The following TGM7 variants were observed in gnomAD, a reference collection of about 807,000 sequenced individuals.
The protein encoded by TGM7 is protein-glutamine gamma-glutamyltransferase Z.
In TGM7, 74 loss-of-function variants were observed where a neutral mutation model predicts 79.5. The observed-to-expected ratio is 0.93, with a 90% CI of 0.77 to 1.13. The LOEUF (loss-of-function observed/expected upper bound fraction) is 1.13, where lower values mean the gene tolerates loss of function less well. Ranked by LOEUF, TGM7 falls within the 50% of genes most tolerant of loss-of-function variation. The probability of loss-of-function intolerance (pLI) is 0.00; values close to 1 mark genes in which losing one functional copy is unlikely to be tolerated. For missense variants in TGM7, 912 were observed against 905.9 expected (o/e 1.01, Z -0.09); for synonymous variants, 354 against 362.5 (o/e 0.98, Z 0.27).
intron 11 of TGM7, among the ~76,000 whole-genome samples, chr15:43,278,138 G>T (rs2042887428): frequency 6.6e-6 from 1 of 152,236 alleles, no homozygotes; most frequent in African/African-American, 2.4e-5. Flanking sequence ...CTGATTTATG[G>T]TCTGGAGCTG....
chr15:43,292,653 TC>T, intron 3 of TGM7, 55 bp downstream of exon 3: 1 of 1,596,780 alleles, frequency 6.3e-7, no homozygotes, highest in Non-Finnish European at 8.6e-7. Context: ...CCAAAGAACC[TC>T]ACAGGGCCTT....
intron 1 of TGM7, among the ~76,000 whole-genome samples, chr15:43,298,325 C>G (rs554404021): frequency 6.6e-6 from 1 of 152,286 alleles, no homozygotes; most frequent in Non-Finnish European, 1.5e-5. Flanking sequence ...GTGAGGGCAG[C>G]AGGGCCAGGA....
At chr15:43,278,896 CTA>C (rs1232600418) in intron 11 of TGM7, among the ~76,000 whole-genome samples, 37 of 152,256 alleles carry the variant, frequency 2.4e-4, no homozygotes, top group Admixed American at 8.5e-4. Flanking sequence ...TCTAATTTCT[CTA>C]TAGTTTCCTA....
chr15:43,299,276 C>A (rs570238473), intron 1 of TGM7, among the ~76,000 whole-genome samples: 2 of 152,130 alleles, frequency 1.3e-5, no homozygotes, highest in African/African-American at 4.8e-5. Context: ...TGGCATTTAG[C>A]CTAGACCAGA....
At chr15:43,277,021 C>T (rs761227990) in intron 11 of TGM7, 26 bp from the exon 12 acceptor site, 21 of 1,611,826 alleles carry the variant, frequency 1.3e-5, no homozygotes, top group South Asian at 1.1e-5. Context: ...TCAGCAATCC[C>T]ATGGGCAACT....
At chr15:43,301,074 C>G (rs911464176) in intron 1 of TGM7, among the ~76,000 whole-genome samples, 74 of 152,146 alleles carry the variant, frequency 4.9e-4, no homozygotes, top group African/African-American at 1.7e-3. Context: ...TTTGACCCCC[C>G]CAGGCTCATG....
chr15:43,292,153 T>A, intron 3 of TGM7, 56 bp from the exon 4 acceptor site: 1 of 1,256,230 alleles, frequency 8.0e-7, no homozygotes, highest in South Asian at 1.2e-5. Context: ...AAACAGAGTA[T>A]TAAATTAAAA....
At chr15:43,284,702 G>C in intron 7 of TGM7, 112 bp downstream of exon 7, 1 of 1,290,362 alleles carries the variant, frequency 7.7e-7, no homozygotes, top group East Asian at 2.3e-5. Flanking sequence ...AGCATTAGCA[G>C]CAATGCTCAG....
chr15:43,281,426 C>T (rs1274220293), intron 9 of TGM7, among the ~76,000 whole-genome samples: 10 of 152,244 alleles, frequency 6.6e-5, no homozygotes, highest in Admixed American at 5.9e-4. Context: ...AAATACAGGA[C>T]ATCCAACCAC....
At chr15:43,279,586 C>A (rs773589194) in intron 10 of TGM7, 39 bp downstream of exon 10, 7 of 1,531,642 alleles carry the variant, frequency 4.6e-6, no homozygotes, top group Non-Finnish European at 6.1e-6. Context: ...CACAGCTCCC[C>A]TCCCTGTAGG....
intron 9 of TGM7, among the ~76,000 whole-genome samples, chr15:43,281,526 C>T (rs2412777): frequency 0.056 from 8,511 of 152,304 alleles, 352 homozygotes; most frequent in Middle Eastern, 0.092. Flanking sequence ...AAATCATACC[C>T]AGTGTGAATT....
intron 6 of TGM7, among the ~76,000 whole-genome samples, chr15:43,286,814 G>A (rs1338616336): frequency 6.6e-6 from 1 of 152,196 alleles, no homozygotes; most frequent in Non-Finnish European, 1.5e-5. Flanking sequence ...TTCTTTAAGG[G>A]TAGTCAGCAA....
intron 6 of TGM7, among the ~76,000 whole-genome samples, 154 bp downstream of exon 6, chr15:43,287,126 C>T (rs1566844666): frequency 6.6e-6 from 1 of 152,204 alleles, no homozygotes; most frequent in Non-Finnish European, 1.5e-5. Flanking sequence ...TGCACAGGAT[C>T]CCTCGAGACT....
intron 1 of TGM7, among the ~76,000 whole-genome samples, chr15:43,295,812 G>A (rs1410772830): frequency 6.6e-6 from 1 of 152,230 alleles, no homozygotes; most frequent in Non-Finnish European, 1.5e-5. Context: ...TTGTAAGGTA[G>A]ATTCAACAAA....
intron 8 of TGM7, 109 bp from the exon 9 acceptor site, chr15:43,282,195 T>C: frequency 1.4e-6 from 2 of 1,455,042 alleles, no homozygotes; most frequent in African/African-American, 1.4e-5. Context: ...CCGTGGGATA[T>C]CTTCCAGTTT....
chr15:43,298,755 T>TAAATA (rs1230849179), intron 1 of TGM7, among the ~76,000 whole-genome samples: 3 of 151,974 alleles, frequency 2.0e-5, no homozygotes, highest in Non-Finnish European at 2.9e-5. Flanking sequence ...CCATCTCAAA[T>TAAATA]AAATAAAATA....
chr15:43,283,695 C>T (rs1335689099), intron 7 of TGM7, among the ~76,000 whole-genome samples: 3 of 152,204 alleles, frequency 2.0e-5, no homozygotes, highest in African/African-American at 7.2e-5. Context: ...GTTACATATC[C>T]TCAGATACAC....
chr15:43,287,191 T>C (rs2142410056), intron 6 of TGM7, 89 bp downstream of exon 6: 6 of 1,474,696 alleles, frequency 4.1e-6, no homozygotes, highest in Middle Eastern at 2.4e-4. Context: ...TGTGGGGCCA[T>C]GGGCAAGCTA....
At chr15:43,298,594 A>C (rs2043011657) in intron 1 of TGM7, among the ~76,000 whole-genome samples, 1 of 152,106 alleles carries the variant, frequency 6.6e-6, no homozygotes, top group African/African-American at 2.4e-5. Context: ...CTCTACTAAA[A>C]ATACAAAAAT....
Sources: gnomAD v4.1 joint callset for allele counts (sites outside exome capture counted in the v4.1 genomes callset) on GRCh38, gnomAD v4.1.1 for gene constraint, MANE v1.5 for transcripts, NCBI Gene and HGNC (gene_info 2026-07-23, HGNC 2026-07-21) for gene names.